TBC1D14: variants seen among roughly 807,000 people sequenced by gnomAD.
The protein encoded by TBC1D14 is TBC1 domain family, member 14.
Under a neutral mutation model 79.0 loss-of-function variants are expected in TBC1D14, and 26 were observed. The observed-to-expected ratio is 0.33, with a 90% CI of 0.24 to 0.46. The LOEUF (loss-of-function observed/expected upper bound fraction) is 0.46, where lower values mean the gene tolerates loss of function less well. TBC1D14 is among the 20% of genes least tolerant of loss of function. The pLI, the probability that TBC1D14 is intolerant of heterozygous loss-of-function variation, is 1.00. For synonymous variants in TBC1D14, 394 were observed against 349.9 expected, an observed-to-expected ratio of 1.13 and a Z score of -1.40; for missense variants, 769 against 887.6, an observed-to-expected ratio of 0.87 and a Z score of 1.70.
chr4:7,010,096 G>C, intron 10 of TBC1D14, 148 bp downstream of exon 10: 1 of 796,724 alleles, frequency 1.3e-6, no homozygotes, highest in Non-Finnish European at 2.1e-6. Context: ...AGTTAAGTGA[G>C]TTGACTCAGG....
intron 12 of TBC1D14, among the ~76,000 whole-genome samples, chr4:7,016,871 G>C (rs1305383298): frequency 6.6e-6 from 1 of 152,140 alleles, no homozygotes; most frequent in Non-Finnish European, 1.5e-5. Flanking sequence ...GCCTGAAGAT[G>C]GTTGTAATCC....
chr4:7,009,809 A>G (rs1236046634), intron 9 of TBC1D14, 68 bp from the exon 10 acceptor site: 15 of 1,489,094 alleles, frequency 1.0e-5, no homozygotes, highest in Non-Finnish European at 1.2e-5. Flanking sequence ...CAGTAGTAGT[A>G]TCAGATGTTC....
At chr4:6,984,359 C>G (rs1181710430) in intron 3 of TBC1D14, among the ~76,000 whole-genome samples, 3 of 152,068 alleles carry the variant, frequency 2.0e-5, no homozygotes, top group Non-Finnish European at 4.4e-5. Context: ...TCGGCACGGT[C>G]AGGACTCCTC....
chr4:6,995,240 A>G (rs922743422), intron 4 of TBC1D14: 7 of 152,192 alleles, frequency 4.6e-5, no homozygotes, highest in African/African-American at 1.7e-4. Flanking sequence ...ACATCTGTGT[A>G]TATGTCAAAA....
chr4:6,958,643 C>A (rs545734427), intron 2 of TBC1D14, among the ~76,000 whole-genome samples: 1 of 152,126 alleles, frequency 6.6e-6, no homozygotes, highest in Non-Finnish European at 1.5e-5. Context: ...CTATGTTGCC[C>A]AGGCTATTCT....
At chr4:6,947,497 CAAAA>C (rs35832243) in intron 2 of TBC1D14, among the ~76,000 whole-genome samples, 14 of 139,918 alleles carry the variant, frequency 1.0e-4, no homozygotes, top group South Asian at 2.3e-4. Flanking sequence ...GACCCTGTCT[CAAAA>C]AAAAAAAAAA....
At chr4:6,994,329 G>A (rs115061552) in intron 4 of TBC1D14, 27 bp downstream of exon 4, 27,994 of 1,600,078 alleles carry the variant, frequency 0.017, 306 homozygotes, top group Middle Eastern at 0.031. Flanking sequence ...TCTCTTTAGA[G>A]TGTTTGCTTT....
At chr4:7,017,208 G>A (rs1382964814) in intron 12 of TBC1D14, among the ~76,000 whole-genome samples, 1 of 152,164 alleles carries the variant, frequency 6.6e-6, no homozygotes, top group African/African-American at 2.4e-5. Flanking sequence ...GCTGAGGCAC[G>A]AGAATCATTT....
At chr4:6,943,313 G>A (rs1224046972) in intron 2 of TBC1D14, among the ~76,000 whole-genome samples, 2 of 152,214 alleles carry the variant, frequency 1.3e-5, no homozygotes, top group African/African-American at 4.8e-5. Flanking sequence ...AGCCTCGGCT[G>A]TGATGTCTTT....
intron 11 of TBC1D14, among the ~76,000 whole-genome samples, chr4:7,011,581 G>T (rs1270132276): frequency 6.6e-6 from 1 of 151,662 alleles, no homozygotes; most frequent in South Asian, 2.1e-4. Flanking sequence ...TTTTTTGGCA[G>T]GGTCTTGCTC....
intron 10 of TBC1D14, 128 bp from the exon 11 acceptor site, chr4:7,010,524 CG>C (rs1239826742): frequency 1.7e-6 from 2 of 1,145,818 alleles, no homozygotes; most frequent in Non-Finnish European, 2.4e-6. Flanking sequence ...GTTGGGTGGC[CG>C]GAGGAGTGGG....
At position 6,933,246 on chromosome 4, in the gene TBC1D14, CCCCTCCCCTCCCCTCCCCTCCCTT is replaced by C. The variant is rs1179273740; in HGVS notation, c.722+9139_722+9162del. Among the ~76,000 whole-genome samples the C allele has an allele frequency of 6.3e-3, 101 of 15,946 alleles. 13 individuals carry two copies. The highest frequency in any genetic ancestry group is 0.029 in the East Asian group (9 of 308). The allele number at this position is 15,946 out of a possible 152,430, so 10.5% of individuals were successfully genotyped here. ...AGGCTCATTGAGAATTACCTCCCCT[CCCCTCCCCTCCCCTCCCCTCCCTT>C]CCCCTCCCCCTTCCCCTTCCCCTTC... On this transcript the variant is annotated intron_variant, in intron 2 of 13. Transcript: ENST00000409757.
intron 12 of TBC1D14, 132 bp downstream of exon 12, chr4:7,014,689 C>T: frequency 3.1e-6 from 2 of 645,326 alleles, no homozygotes; most frequent in East Asian, 2.8e-5. Context: ...CCTGATGGCC[C>T]TGCCCTTGAG....
intron 12 of TBC1D14, among the ~76,000 whole-genome samples, chr4:7,017,024 G>A (rs1222210937): frequency 6.6e-6 from 1 of 152,322 alleles, no homozygotes; most frequent in East Asian, 1.9e-4. Context: ...CTCAGGGCGG[G>A]GTGCACTAGC....
intron 8 of TBC1D14, among the ~76,000 whole-genome samples, chr4:7,005,787 C>A (rs928335866): frequency 1.1e-4 from 16 of 152,200 alleles, no homozygotes; most frequent in Middle Eastern, 3.4e-3. Flanking sequence ...AGTGCCATTC[C>A]CTTTAAAGTT....
intron 2 of TBC1D14, among the ~76,000 whole-genome samples, chr4:6,958,650 T>A (rs1714894646): frequency 6.6e-6 from 1 of 152,126 alleles, no homozygotes. Flanking sequence ...GCCCAGGCTA[T>A]TCTCAAACTC....
At chr4:6,910,504 A>T (rs1340988477) in intron 1 of TBC1D14, 2 of 152,046 alleles carry the variant, frequency 1.3e-5, no homozygotes, top group African/African-American at 4.8e-5. Context: ...TCCCTGGGCT[A>T]GGGAATCTCT....
rs145611847 is a variant in TBC1D14 at position 6,912,297 on chromosome 4, T to C, written c.-18+2346T>C. 3.7e-4 allele frequency among the ~76,000 whole-genome samples: 56 copies of C among 151,838 alleles called. 1 individual carries two copies. Among genetic ancestry groups the C allele is most frequent in the African/African-American group, 1.3e-3 (52 of 41,382 alleles). On this transcript the variant is annotated intron_variant, in intron 1 of 13. Coordinates refer to ENST00000409757, the MANE Select transcript of TBC1D14 (RefSeq NM_020773.3). ...TGGGAGGCCGAGGCAGGAGAATCGC[T>C]TGAACCCGGGAGGTGGAGGTTGCAG...
intron 11 of TBC1D14, among the ~76,000 whole-genome samples, chr4:7,012,243 A>T (rs1044696153): frequency 2.0e-5 from 3 of 151,184 alleles, no homozygotes; most frequent in African/African-American, 7.3e-5. Flanking sequence ...CAGAGCTTGC[A>T]GTGAGCCGAG....
Sources: allele counts gnomAD v4.1 joint callset (sites outside exome capture counted in the v4.1 genomes callset), GRCh38; gene constraint gnomAD v4.1.1; transcripts MANE v1.5; gene names NCBI Gene and HGNC (gene_info 2026-07-23, HGNC 2026-07-21).